PAK3: variants seen among roughly 807,000 people sequenced by gnomAD.
PAK3 encodes the protein serine/threonine-protein kinase PAK 3.
PAK3 carries 4 observed loss-of-function variants against 41.0 expected under a neutral mutation model. That is an observed-to-expected ratio of 0.10 (90% CI 0.05 to 0.22). The LOEUF (loss-of-function observed/expected upper bound fraction) is 0.22. Among genes scored for constraint, PAK3 ranks in the 10% least tolerant of loss-of-function variants. PAK3 has a pLI of 1.00. For missense variants in PAK3, 205 were observed against 409.9 expected, an observed-to-expected ratio of 0.50 and a Z score of 4.32; for synonymous variants, 146 against 139.6, an observed-to-expected ratio of 1.05 and a Z score of -0.32.
intron 4 of PAK3, among the ~76,000 whole-genome samples, chrX:111,118,006 T>C (rs146099500): frequency 0.02 from 2,196 of 111,179 alleles, 62 homozygotes; most frequent in African/African-American, 0.067. Context: ...GGTTCATTCT[T>C]CTCCCTGTAA....
chrX:111,018,709 C>T (rs1025340408), intron 1 of PAK3, among the ~76,000 whole-genome samples: 2 of 111,634 alleles, frequency 1.8e-5, no homozygotes, highest in Non-Finnish European at 3.8e-5. Flanking sequence ...ATCAAAACCC[C>T]AGTGACTTTT....
intron 10 of PAK3, among the ~76,000 whole-genome samples, chrX:111,168,267 T>C (rs898954039): frequency 6.2e-5 from 7 of 112,198 alleles, no homozygotes; most frequent in African/African-American, 1.9e-4. Context: ...CACTTTAAAA[T>C]GAATAGTTTA....
At chrX:110,969,450 ATTTTTTTTT>A (rs35064494) in intron 1 of PAK3, among the ~76,000 whole-genome samples, 1 of 47,364 alleles carries the variant, frequency 2.1e-5, no homozygotes, top group Non-Finnish European at 3.8e-5. Flanking sequence ...GACGTGGCTA[ATTTTTTTTT>A]TTTTTTTTTT....
In PAK3 at chrX:111,225,327, C is replaced by T. The variant is rs751311433; in HGVS notation, c.*4880C>T. 7 of 112,004 alleles carry T rather than the reference C, an allele frequency of 6.2e-5. No homozygotes were observed. The highest frequency in any genetic ancestry group is 7.5e-4 in the South Asian group (2 of 2,670). 9.2% of individuals were successfully genotyped at this position (112,004 alleles called of 1,213,427 possible). ...CAATGTCTAACTGAATCTGCAAATG[C>T]GGGAACTGAGATATCACCTCCATGT... On this transcript the variant is annotated 3_prime_UTR_variant, in exon 18 of 18. Coordinates refer to ENST00000372007, the MANE Select transcript of PAK3 (RefSeq NM_002578.5).
intron 11 of PAK3, among the ~76,000 whole-genome samples, chrX:111,176,643 TTGTC>T (rs1050202712): frequency 9.0e-6 from 1 of 111,426 alleles, no homozygotes; most frequent in Non-Finnish European, 1.9e-5. Flanking sequence ...CTTCACATTT[TTGTC>T]TTTCACAATG....
rs770842056 is a variant in PAK3, at chrX:111,157,796, A to G, written c.469-5119A>G. On this transcript the variant is annotated intron_variant, in intron 8 of 17. Transcript: ENST00000372007. ...TGGCGAAACTCCATCTCAAAAAAAA[A>G]AAAAGAAAAGAAAAAAAAGAACTAC... Among the ~76,000 whole-genome samples the G allele has an allele frequency of 3.6e-5, 4 of 111,220 alleles. 1 individual carries two copies. Among genetic ancestry groups the G allele is most frequent in the Admixed American group, 2.9e-4 (3 of 10,486 alleles).
rs751162564 is a variant in PAK3, at chrX:111,145,994, A to T, written c.277-1743A>T. Reference sequence around the variant, plus strand: ...GTGCAAAAGAATCACATCAATGAGAATAAAATTCAATGTTTCCATACAGCC... The same window carrying T: ...GTGCAAAAGAATCACATCAATGAGATTAAAATTCAATGTTTCCATACAGCC... On this transcript the variant is annotated intron_variant, in intron 6 of 17. Coordinates refer to ENST00000372007, the MANE Select transcript of PAK3 (RefSeq NM_002578.5). 2.7e-5 allele frequency among the ~76,000 whole-genome samples: 3 copies of T among 112,089 alleles called. No homozygotes were observed. In the East Asian group the frequency reaches 8.4e-4, roughly 31 times the overall value.
chrX:111,085,386 GCCTTGACT>G (rs2092873729), intron 1 of PAK3, among the ~76,000 whole-genome samples: 1 of 111,968 alleles, frequency 8.9e-6, no homozygotes, highest in African/African-American at 3.3e-5. Context: ...GCAGGGACTA[GCCTTGACT>G]CCTAATATGG....
intron 1 of PAK3, among the ~76,000 whole-genome samples, chrX:111,037,036 C>T (rs140341718): frequency 2.4e-4 from 27 of 111,503 alleles, no homozygotes; most frequent in East Asian, 8.4e-4. Flanking sequence ...CCTCTGCCTC[C>T]GAGGTTCAAG....
intron 1 of PAK3, among the ~76,000 whole-genome samples, chrX:110,980,580 C>T (rs2091431846): frequency 9.0e-6 from 1 of 111,454 alleles, no homozygotes; most frequent in Non-Finnish European, 1.9e-5. Context: ...GAAAAATCAA[C>T]TCATAAAAGG....
At chrX:111,139,048 G>T (rs2093834349) in intron 5 of PAK3, among the ~76,000 whole-genome samples, 1 of 111,233 alleles carries the variant, frequency 9.0e-6, no homozygotes, top group African/African-American at 3.3e-5. Context: ...GTAGAGAAAT[G>T]AATGGAAGTG....
intron 1 of PAK3, among the ~76,000 whole-genome samples, chrX:111,027,198 C>A (rs1407680971): frequency 4.3e-5 from 4 of 92,037 alleles, no homozygotes; most frequent in African/African-American, 1.6e-4. Context: ...GACCTGAAAC[C>A]ATGAAGATTC....
chrX:110,959,959 A>G (rs765885362), intron 1 of PAK3, among the ~76,000 whole-genome samples: 3 of 112,194 alleles, frequency 2.7e-5, no homozygotes, highest in Non-Finnish European at 5.6e-5. Context: ...GTGTCATGGC[A>G]TCTATACTGC....
At chrX:110,947,519 T>A (rs962026950) in intron 1 of PAK3, among the ~76,000 whole-genome samples, 3 of 111,440 alleles carry the variant, frequency 2.7e-5, no homozygotes, top group African/African-American at 9.8e-5. Context: ...AGGGCACACC[T>A]CTCCCCATCC....
chrX:110,999,809 A>G (rs1419089268), intron 1 of PAK3, among the ~76,000 whole-genome samples: 2 of 110,013 alleles, frequency 1.8e-5, no homozygotes, highest in Non-Finnish European at 3.8e-5. Flanking sequence ...CCCTGTCTCC[A>G]CTAAAAATCC....
At chrX:111,136,895 T>A (rs181092056) in intron 5 of PAK3, among the ~76,000 whole-genome samples, 28 of 112,201 alleles carry the variant, frequency 2.5e-4, no homozygotes, top group African/African-American at 7.4e-4. Context: ...TTTATGGAAC[T>A]CTACAGGTTA....
intron 4 of PAK3, among the ~76,000 whole-genome samples, chrX:111,108,905 C>T (rs757864677): frequency 1.8e-5 from 2 of 112,150 alleles, no homozygotes; most frequent in Non-Finnish European, 3.8e-5. Flanking sequence ...TTCCCAAACC[C>T]ATCATGCATT....
At chrX:111,030,189 T>G (rs766211669) in intron 1 of PAK3, among the ~76,000 whole-genome samples, 2 of 111,936 alleles carry the variant, frequency 1.8e-5, no homozygotes, top group South Asian at 7.5e-4. Context: ...TACATATATT[T>G]TATGCATTCA....
intron 1 of PAK3, among the ~76,000 whole-genome samples, chrX:110,948,902 T>C (rs2090682223): frequency 8.9e-6 from 1 of 112,164 alleles, no homozygotes; most frequent in South Asian, 3.7e-4. Context: ...GAGTACATAG[T>C]GGAGATGCTT....
Sources: allele counts gnomAD v4.1 joint callset (sites outside exome capture counted in the v4.1 genomes callset), GRCh38; gene constraint gnomAD v4.1.1; transcripts MANE v1.5; gene names NCBI Gene and HGNC (gene_info 2026-07-23, HGNC 2026-07-21).